Variants in GAREM1 observed in about 807,000 individuals in gnomAD.
GAREM1 encodes the protein GRB2-associated and regulator of MAPK protein 1.
A neutral mutation model predicts 71.3 loss-of-function variants in GAREM1; 26 were observed. The ratio of observed to expected loss-of-function variants is 0.36; its 90% CI spans 0.27 to 0.51. GAREM1 has a LOEUF of 0.51. Ranked by LOEUF, GAREM1 falls within the 20% of genes least tolerant of loss-of-function variation. The pLI is 0.95. For missense variants in GAREM1, 1,026 were observed against 1,103.1 expected (o/e 0.93, Z 0.99); for synonymous variants, 440 against 433.2 (o/e 1.02, Z -0.20).
rs112396056 is a variant in GAREM1 at position 32,330,938 on chromosome 18, G to A, written c.263-20615C>T. Among the ~76,000 whole-genome samples the A allele has an allele frequency of 2.1e-3, 317 of 152,238 alleles. 2 individuals are homozygous for A. Among genetic ancestry groups the A allele is most frequent in the African/African-American group, 7.2e-3 (299 of 41,554 alleles). ...CTTTCTTGAAATGACTGCCTTTCCA[G>A]CACTCTTTACAGTTCCATATAGGCT... On this transcript the variant is annotated intron_variant, in intron 2 of 5. Coordinates refer to ENST00000269209, the MANE Select transcript of GAREM1 (RefSeq NM_001242409.2).
At chr18:32,345,319 G>C (rs982639114) in intron 2 of GAREM1, among the ~76,000 whole-genome samples, 1 of 152,098 alleles carries the variant, frequency 6.6e-6, no homozygotes, top group Admixed American at 6.6e-5. Flanking sequence ...ATATAGCACA[G>C]GGAGTCTTCT....
rs569969020 is a variant in GAREM1, at chr18:32,297,798, G to A, written c.394-9595C>T. On this transcript the variant is annotated intron_variant, in intron 3 of 5. Transcript: ENST00000269209. Reference sequence around the variant, plus strand: ...TATACTTCCTTTTTATTAGAACTTTGTGAAAAACTTGGCGAGTCACCCATT... The same window carrying A: ...TATACTTCCTTTTTATTAGAACTTTATGAAAAACTTGGCGAGTCACCCATT... Among the ~76,000 whole-genome samples, 4 of 152,286 alleles carry A rather than the reference G, an allele frequency of 2.6e-5. No homozygotes were observed. In the South Asian group the frequency reaches 8.3e-4, roughly 32 times the overall value.
intron 3 of GAREM1, among the ~76,000 whole-genome samples, chr18:32,306,853 G>A (rs1360648454): frequency 6.6e-6 from 1 of 152,096 alleles, no homozygotes; most frequent in Non-Finnish European, 1.5e-5. Flanking sequence ...CATATAGTAA[G>A]TGCTCAAAAT....
At chr18:32,434,372 G>C (rs1243061589) in intron 1 of GAREM1, among the ~76,000 whole-genome samples, 1 of 152,142 alleles carries the variant, frequency 6.6e-6, no homozygotes, top group African/African-American at 2.4e-5. Context: ...GTCACTAGTT[G>C]TAATAAGCAC....
At position 32,465,445 on chromosome 18, in the gene GAREM1, AAAGT is replaced by A. The variant is rs142129738; in HGVS notation, c.121+4859_121+4862del. Among the ~76,000 whole-genome samples the A allele has an allele frequency of 3.6e-3, 551 of 152,228 alleles. 1 individual carries two copies. The highest frequency in any genetic ancestry group is 5.6e-3 in the Non-Finnish European group (383 of 68,004). ...TAAAGCTGCAGAAGCCTCTGAGCAC[AAAGT>A]AAGGACCAAATTTCCCACAGTCCCA... On this transcript the variant is annotated intron_variant, in intron 1 of 5. Coordinates refer to ENST00000269209, the MANE Select transcript of GAREM1 (RefSeq NM_001242409.2).
At chr18:32,340,570 ACTTCCTTGGACT>A (rs2047638457) in intron 2 of GAREM1, among the ~76,000 whole-genome samples, 2 of 152,196 alleles carry the variant, frequency 1.3e-5, no homozygotes, top group South Asian at 4.1e-4. Context: ...TTTCACTGAG[ACTTCCTTGGACT>A]CTTCCATCTC....
At chr18:32,315,625 T>A (rs2047371283) in intron 2 of GAREM1, among the ~76,000 whole-genome samples, 1 of 151,804 alleles carries the variant, frequency 6.6e-6, no homozygotes. Context: ...CTAGCCACAT[T>A]TCAAATGCTC....
intron 2 of GAREM1, among the ~76,000 whole-genome samples, chr18:32,378,065 G>C (rs73421957): frequency 0.084 from 10,731 of 127,722 alleles, 440 homozygotes; most frequent in East Asian, 0.11. Context: ...TGTGCGCGCG[G>C]GCGCTTTGGA....
In GAREM1 at chr18:32,353,300, T is replaced by C. The variant is rs189438222; in HGVS notation, c.262+39595A>G. Among the ~76,000 whole-genome samples, 16 of 152,330 alleles carry C rather than the reference T, an allele frequency of 1.1e-4. No homozygotes were observed. The East Asian group carries it at 2.9e-3, about 28-fold the overall frequency. On this transcript the variant is annotated intron_variant, in intron 2 of 5. Transcript: ENST00000269209. ...TGTTTTCTGAGCATAGGGGACACAGTAGTATGGCCTCCAAGTTCTCGATCC... is the reference window on the plus strand; with the variant it reads ...TGTTTTCTGAGCATAGGGGACACAGCAGTATGGCCTCCAAGTTCTCGATCC...
At chr18:32,286,990 C>A in intron 4 of GAREM1, 41 bp downstream of exon 4, 1 of 1,397,104 alleles carries the variant, frequency 7.2e-7, no homozygotes, top group Non-Finnish European at 1.0e-6. Context: ...AGCAGAGAGA[C>A]AGAAAGACTG....
At chr18:32,425,195 A>G (rs916739518) in intron 1 of GAREM1, among the ~76,000 whole-genome samples, 3 of 152,210 alleles carry the variant, frequency 2.0e-5, no homozygotes, top group African/African-American at 7.2e-5. Context: ...CTATTAACTC[A>G]GCAGCTCCCA....
chr18:32,342,125 AATC>A (rs879422090), intron 2 of GAREM1, among the ~76,000 whole-genome samples: 3 of 152,174 alleles, frequency 2.0e-5, no homozygotes, highest in African/African-American at 7.2e-5. Flanking sequence ...GGCATTGCAT[AATC>A]ATCACTTCTA....
At chr18:32,364,645 C>G (rs1332660384) in intron 2 of GAREM1, among the ~76,000 whole-genome samples, 1 of 152,106 alleles carries the variant, frequency 6.6e-6, no homozygotes, top group Non-Finnish European at 1.5e-5. Flanking sequence ...TCTGATGTGC[C>G]AGTGTTAACA....
At chr18:32,420,368 A>G (rs2048508186) in intron 1 of GAREM1, among the ~76,000 whole-genome samples, 1 of 151,912 alleles carries the variant, frequency 6.6e-6, no homozygotes, top group Non-Finnish European at 1.5e-5. Flanking sequence ...AAAATAGGAA[A>G]AAAAAAAACC....
At chr18:32,348,489 T>C (rs1013262360) in intron 2 of GAREM1, among the ~76,000 whole-genome samples, 2 of 152,112 alleles carry the variant, frequency 1.3e-5, no homozygotes, top group Non-Finnish European at 1.5e-5. Flanking sequence ...TTTGGGAGGC[T>C]GAAGTGGGCA....
Position 32,470,284 on chromosome 18 carries a change from C to T in GAREM1, c.121+24G>A, listed in dbSNP as rs1316773239. On this transcript the variant is annotated intron_variant, in intron 1 of 5. Coordinates refer to ENST00000269209, the MANE Select transcript of GAREM1 (RefSeq NM_001242409.2). This position sits in a 1 kb window ranked among gnomAD's most constrained non-coding sequence, Gnocchi z 4.4. ...GGAGACGGCTGTCCTCGCCCGTCTG[C>T]CCCGCGCCCCAGCTGGGACTCACCG... 15 of 1,488,008 alleles carry T rather than the reference C, an allele frequency of 1.0e-5. No individual in the cohort carries two copies. In the East Asian group the frequency reaches 3.7e-4, roughly 37 times the overall value. 92.2% of individuals were successfully genotyped at this position (1,488,008 alleles called of 1,614,324 possible). A position where few individuals can be genotyped will look rare whatever the true frequency, so the allele number is the denominator to read the frequency against.
intron 4 of GAREM1, among the ~76,000 whole-genome samples, chr18:32,275,241 C>T (rs2041523648): frequency 6.6e-6 from 1 of 152,154 alleles, no homozygotes; most frequent in South Asian, 2.1e-4. Flanking sequence ...AGAGTAATGA[C>T]TATTCTAAAA....
chr18:32,404,448 T>G (rs567303325), intron 1 of GAREM1, among the ~76,000 whole-genome samples: 2 of 144,876 alleles, frequency 1.4e-5, no homozygotes, highest in Non-Finnish European at 3.0e-5. Flanking sequence ...ATTCTTATGT[T>G]GCACAAAAAA....
In GAREM1 at chr18:32,268,199, A is replaced by C; in HGVS notation, c.2303T>G (p.Phe768Cys). The change falls in exon 6 of 6, where the codon TTT becomes TGT. Residue 768 changes from phenylalanine (F) to cysteine (C), a missense_variant. Physicochemically the swap from Phe to Cys is radical, Grantham distance 205 (BLOSUM62 -2). This residue lies in a region of GAREM1 where 636 missense variants were observed against 631.2 expected (regional missense o/e 1.01). Transcript: ENST00000269209. The stretch of plus-strand genomic sequence containing the variant: ...GATGTCCTGCATGCCCTTTTTAACA[A>C]AATACTGGTCCTCCGAGAGATCTGG... ...GSPDLSEDQY[F>C]VKKGMQDIFS... is the part of the protein sequence containing the mutation. 1 of 1,614,050 alleles carries C rather than the reference A, an allele frequency of 6.2e-7. No homozygotes were observed. Among genetic ancestry groups the C allele is most frequent in the Non-Finnish European group, 8.5e-7 (1 of 1,179,998 alleles).
Sources: allele counts gnomAD v4.1 joint callset (sites outside exome capture counted in the v4.1 genomes callset), GRCh38; gene constraint gnomAD v4.1.1; regional missense constraint gnomAD v4.1.1; non-coding constraint Gnocchi (gnomAD v3.1); transcripts MANE v1.5; gene names NCBI Gene and HGNC (gene_info 2026-07-23, HGNC 2026-07-21).